UBAC2: variants seen among roughly 807,000 people sequenced by gnomAD.
UBAC2 encodes the protein UBA domain containing 2, also known as ubiquitin-associated domain-containing protein 2.
In UBAC2, 26 loss-of-function variants were observed where a neutral mutation model predicts 44.0. That is an observed-to-expected ratio of 0.59 (90% CI 0.43 to 0.82). The LOEUF is 0.82. UBAC2 is among the 40% of genes least tolerant of loss of function. The pLI, the probability that UBAC2 is intolerant of heterozygous loss-of-function variation, is 0.00. For missense variants in UBAC2, 329 were observed against 419.4 expected (o/e 0.78, Z 1.88); for synonymous variants, 155 against 154.3 (o/e 1.00, Z -0.04).
intron 3 of UBAC2, 120 bp from the exon 4 acceptor site, chr13:99,244,395 G>GTA: frequency 4.6e-6 from 3 of 654,088 alleles, no homozygotes; most frequent in Non-Finnish European, 8.0e-6. Flanking sequence ...ATGCATGTGT[G>GTA]TATATACACA....
chr13:99,260,146 A>C (rs1206629551), intron 4 of UBAC2, among the ~76,000 whole-genome samples: 1 of 152,110 alleles, frequency 6.6e-6, no homozygotes, highest in Admixed American at 6.6e-5. Flanking sequence ...TACCTTTTTC[A>C]GGAAGCTTTC....
At chr13:99,288,867 C>T (rs2044053966) in intron 4 of UBAC2, among the ~76,000 whole-genome samples, 1 of 152,148 alleles carries the variant, frequency 6.6e-6, no homozygotes, top group African/African-American at 2.4e-5. Context: ...CTATAGTCAA[C>T]ATGTATTTTT....
chr13:99,336,180 T>G (rs903587279), intron 6 of UBAC2, among the ~76,000 whole-genome samples: 1 of 152,208 alleles, frequency 6.6e-6, no homozygotes, highest in African/African-American at 2.4e-5. Flanking sequence ...CATATGCTTT[T>G]AAAACTGGGC....
chr13:99,237,795 G>A (rs2043255892), intron 1 of UBAC2, among the ~76,000 whole-genome samples: 1 of 152,140 alleles, frequency 6.6e-6, no homozygotes, highest in Non-Finnish European at 1.5e-5. Flanking sequence ...TCTCTACTAA[G>A]AATACAAAAA....
intron 4 of UBAC2, chr13:99,261,568 A>G (rs1364940034): frequency 1.3e-5 from 2 of 152,134 alleles, no homozygotes; most frequent in African/African-American, 4.8e-5. Context: ...GTCTTTAGCA[A>G]TTTTTGTGTG....
At chr13:99,294,126 A>G (rs2044132211) in intron 4 of UBAC2, among the ~76,000 whole-genome samples, 1 of 152,182 alleles carries the variant, frequency 6.6e-6, no homozygotes, top group Non-Finnish European at 1.5e-5. Context: ...CGTATTTAGC[A>G]AGCAGCAGCT....
chr13:99,345,115 A>G (rs982666218), intron 7 of UBAC2, among the ~76,000 whole-genome samples: 5 of 152,144 alleles, frequency 3.3e-5, no homozygotes, highest in South Asian at 4.1e-4. Flanking sequence ...AGGACCAGCA[A>G]GAGTGAGGCA....
At chr13:99,220,919 A>G (rs1442726419) in intron 1 of UBAC2, among the ~76,000 whole-genome samples, 2 of 152,140 alleles carry the variant, frequency 1.3e-5, no homozygotes, top group East Asian at 3.8e-4. Context: ...AACAGACCAG[A>G]GATTATCTCT....
intron 7 of UBAC2, among the ~76,000 whole-genome samples, chr13:99,366,940 GAAGA>G (rs1388464347): frequency 6.6e-6 from 1 of 152,230 alleles, no homozygotes; most frequent in Non-Finnish European, 1.5e-5. Context: ...TTTGTAGTAG[GAAGA>G]GTTTCAGATC....
chr13:99,334,633 G>A (rs2044761735), intron 6 of UBAC2, among the ~76,000 whole-genome samples: 1 of 152,062 alleles, frequency 6.6e-6, no homozygotes, highest in Non-Finnish European at 1.5e-5. Context: ...GGGCAAATAT[G>A]AGGGGGAAAA....
At chr13:99,228,627 G>C (rs1435849410) in intron 1 of UBAC2, among the ~76,000 whole-genome samples, 2 of 152,002 alleles carry the variant, frequency 1.3e-5, no homozygotes, top group African/African-American at 4.8e-5. Context: ...TTTTCTTCTC[G>C]TAACACTTTT....
intron 6 of UBAC2, among the ~76,000 whole-genome samples, chr13:99,329,401 G>T (rs535640371): frequency 6.6e-6 from 1 of 152,358 alleles, no homozygotes; most frequent in African/African-American, 2.4e-5. Context: ...TTGCCATGGT[G>T]ATGGTTTTTA....
At chr13:99,331,908 T>C (rs1162458565) in intron 6 of UBAC2, among the ~76,000 whole-genome samples, 5 of 152,064 alleles carry the variant, frequency 3.3e-5, no homozygotes, top group African/African-American at 1.2e-4. Flanking sequence ...CGTATTAGCA[T>C]TGAGTAAATA....
chr13:99,267,961 G>A (rs780167144), intron 4 of UBAC2, among the ~76,000 whole-genome samples: 4 of 152,182 alleles, frequency 2.6e-5, no homozygotes, highest in African/African-American at 4.8e-5. Flanking sequence ...GCCTGGTCTG[G>A]TGGAGCACCT....
intron 4 of UBAC2, among the ~76,000 whole-genome samples, chr13:99,247,109 T>C (rs1479565957): frequency 6.6e-6 from 1 of 152,226 alleles, no homozygotes; most frequent in Non-Finnish European, 1.5e-5. Flanking sequence ...GTGCTGGAAT[T>C]GCAGGTGTGA....
At chr13:99,360,297 C>A (rs1056084353) in intron 7 of UBAC2, among the ~76,000 whole-genome samples, 1 of 152,200 alleles carries the variant, frequency 6.6e-6, no homozygotes, top group African/African-American at 2.4e-5. Flanking sequence ...TCAGAATAAT[C>A]ATAGCTAAGC....
In UBAC2 at chr13:99,215,533, CT is replaced by C. The variant is rs2042982195; in HGVS notation, c.31+14598del. The stretch of plus-strand genomic sequence containing the variant: ...GGTAATATACACTTTACCTTTAAGT[CT>C]TTTGATGCATTTCCTGCCAGTTCAA... On this transcript the variant is annotated intron_variant, in intron 1 of 8. Transcript: ENST00000403766. 15 of 1,472,232 alleles carry C rather than the reference CT, an allele frequency of 1.0e-5. No individual in the cohort carries two copies. The South Asian group carries it at 1.5e-4, about 14-fold the overall frequency. 91.2% of individuals were successfully genotyped at this position (1,472,232 alleles called of 1,614,324 possible).
intron 7 of UBAC2, among the ~76,000 whole-genome samples, chr13:99,343,171 G>A (rs968007814): frequency 1.3e-5 from 2 of 152,318 alleles, no homozygotes; most frequent in East Asian, 1.9e-4. Context: ...GGTTTCTGTC[G>A]GCCCACCTGG....
At chr13:99,367,657 C>T (rs1348837099) in intron 7 of UBAC2, 130 bp from the exon 8 acceptor site, 2 of 1,283,756 alleles carry the variant, frequency 1.6e-6, no homozygotes, top group African/African-American at 3.0e-5. Flanking sequence ...GAATTGCTTG[C>T]ATAGAGCGGA....
Sources: gnomAD v4.1 joint callset for allele counts (sites outside exome capture counted in the v4.1 genomes callset) on GRCh38, gnomAD v4.1.1 for gene constraint, MANE v1.5 for transcripts, NCBI Gene and HGNC (gene_info 2026-07-23, HGNC 2026-07-21) for gene names.